ARPP21: variants seen among roughly 807,000 people sequenced by gnomAD.
The protein encoded by ARPP21 is cAMP regulated phosphoprotein 21, also known as cAMP-regulated phosphoprotein 21.
Under a neutral mutation model 113.2 loss-of-function variants are expected in ARPP21, and 69 were observed. That is an observed-to-expected ratio of 0.61 (90% CI 0.50 to 0.74). The LOEUF is 0.74. Among genes scored for constraint, ARPP21 ranks in the 30% least tolerant of loss-of-function variants. ARPP21 has a pLI of 0.00. For missense variants in ARPP21, 1,070 were observed against 1,037.4 expected, an observed-to-expected ratio of 1.03 and a Z score of -0.43; for synonymous variants, 368 against 375.5, an observed-to-expected ratio of 0.98 and a Z score of 0.23.
intron 19 of ARPP21, among the ~76,000 whole-genome samples, chr3:35,747,587 C>A (rs1336757957): frequency 6.6e-6 from 1 of 151,984 alleles, no homozygotes; most frequent in East Asian, 1.9e-4. Context: ...TATTGATAGC[C>A]CAAGTCTGTG....
chr3:35,737,305 G>T lies in ARPP21; in HGVS notation c.1587G>T (p.Gln529His). 1.2e-6 allele frequency: 2 copies of T among 1,612,918 alleles called. No individual in the cohort carries two copies. The highest frequency in any genetic ancestry group is 8.5e-7 in the Non-Finnish European group (1 of 1,179,330). ...QQPPQQQPSP[Q>H]PQQQVQPPQP... ...CACCACAGCAGCAGCCCTCCCCGCA[G>T]CCCCAACAGCAGGTCCAGCCACCGC... Residue 529 changes from glutamine to histidine, a missense_variant, in exon 16 of 21, where the codon CAG (glutamine) becomes CAT (histidine). Transcript: ENST00000684406.
rs1394278404 is a variant in ARPP21 at position 35,717,346 on chromosome 3, A to T, written c.984A>T (p.Arg328Ser). The T allele has an allele frequency of 6.2e-7, 1 of 1,603,352 alleles. No homozygotes were observed. The highest frequency in any genetic ancestry group is 2.2e-5 in the East Asian group (1 of 44,712). The stretch of plus-strand genomic sequence containing the variant: ...TATGCAATGAGACCTATAAGAAAAG[A>T]CAGCTCTTTCGGTTGGTATGGTTTA... ...SNICNETYKK[R>S]QLFRGNRDGS... Residue 328 changes from arginine (R) to serine (S), a missense_variant, in exon 13 of 21, where the codon AGA becomes AGT. By Grantham distance (110) the Arg-to-Ser change is moderately radical. Coordinates refer to ENST00000684406, the MANE Select transcript of ARPP21 (RefSeq NM_001385562.1).
chr3:35,695,085 GT>G (rs1310004451), intron 9 of ARPP21, among the ~76,000 whole-genome samples: 1 of 151,218 alleles, frequency 6.6e-6, no homozygotes, highest in Non-Finnish European at 1.5e-5. Context: ...GTAAGAGGGG[GT>G]GAACCTCTTC....
intron 10 of ARPP21, among the ~76,000 whole-genome samples, chr3:35,708,364 TTTTAAAATTTA>T (rs1433953331): frequency 6.6e-6 from 1 of 152,206 alleles, no homozygotes; most frequent in African/African-American, 2.4e-5. Context: ...ACAAACAGGT[TTTTAAAATTTA>T]GCCTGTAAAC....
chr3:35,770,295 G>A (rs2096152120), intron 19 of ARPP21, among the ~76,000 whole-genome samples: 2 of 152,058 alleles, frequency 1.3e-5, no homozygotes, highest in Non-Finnish European at 2.9e-5. Flanking sequence ...ACTTGTCCTA[G>A]GAAAGAGTGG....
At chr3:35,762,947 A>G (rs1481419715) in intron 19 of ARPP21, among the ~76,000 whole-genome samples, 1 of 152,100 alleles carries the variant, frequency 6.6e-6, no homozygotes, top group African/African-American at 2.4e-5. Flanking sequence ...TTCATTAAAC[A>G]TTACTGATTC....
At chr3:35,763,477 T>G (rs1031640150) in intron 19 of ARPP21, among the ~76,000 whole-genome samples, 3 of 152,106 alleles carry the variant, frequency 2.0e-5, no homozygotes, top group African/African-American at 7.2e-5. Flanking sequence ...CTCACCAAGG[T>G]GTGGAGTTGA....
intron 1 of ARPP21, among the ~76,000 whole-genome samples, chr3:35,668,017 GAAGAAGA>G: frequency 6.7e-6 from 1 of 149,588 alleles, no homozygotes; most frequent in Admixed American, 6.6e-5. Context: ...AGAAGAAGAA[GAAGAAGA>G]AGAAGAAGGA....
chr3:35,746,488 A>T (rs1002416407), intron 19 of ARPP21, among the ~76,000 whole-genome samples: 3 of 152,192 alleles, frequency 2.0e-5, no homozygotes, highest in African/African-American at 7.2e-5. Flanking sequence ...AGAACTAGAA[A>T]ATAAGACTTC....
chr3:35,690,736 G>A, intron 8 of ARPP21, 129 bp from the exon 9 acceptor site: 3 of 811,864 alleles, frequency 3.7e-6, no homozygotes, highest in Non-Finnish European at 5.4e-6. Context: ...GACATTAAGT[G>A]ATGCCAGAAA....
At chr3:35,754,357 G>A (rs1206857825) in intron 19 of ARPP21, among the ~76,000 whole-genome samples, 3 of 151,840 alleles carry the variant, frequency 2.0e-5, no homozygotes, top group Admixed American at 6.6e-5. Context: ...TATACTTTGG[G>A]TGTCTGCATT....
intron 14 of ARPP21, among the ~76,000 whole-genome samples, chr3:35,724,903 C>A (rs987508789): frequency 6.6e-6 from 1 of 152,114 alleles, no homozygotes; most frequent in Non-Finnish European, 1.5e-5. Context: ...GAAATATTTT[C>A]TTGAATTATA....
At chr3:35,660,462 C>A (rs1707204624) in intron 1 of ARPP21, among the ~76,000 whole-genome samples, 1 of 152,148 alleles carries the variant, frequency 6.6e-6, no homozygotes, top group South Asian at 2.1e-4. Context: ...AAAAGTGCAC[C>A]TCACTTTTTG....
intron 19 of ARPP21, among the ~76,000 whole-genome samples, chr3:35,771,622 C>G (rs1222497166): frequency 6.6e-6 from 1 of 152,152 alleles, no homozygotes; most frequent in African/African-American, 2.4e-5. Context: ...AGCCACCGTG[C>G]CTGGACAGGA....
Position 35,794,043 on chromosome 3 carries a change from T to A in ARPP21, c.*85T>A, listed in dbSNP as rs2096796688. 5 of 1,239,482 alleles carry A rather than the reference T, an allele frequency of 4.0e-6. No homozygotes were observed. The highest frequency in any genetic ancestry group is 1.5e-5 in the African/African-American group (1 of 66,942). 76.8% of individuals were successfully genotyped at this position (1,239,482 alleles called of 1,614,324 possible). A position where few individuals can be genotyped will look rare whatever the true frequency, so the allele number is the denominator to read the frequency against. On this transcript the variant is annotated 3_prime_UTR_variant, in exon 21 of 21. Coordinates refer to ENST00000684406, the MANE Select transcript of ARPP21 (RefSeq NM_001385562.1). ...CAAGGTGGGAAAACTGGCTGAGGAC[T>A]TAAGTATTCACTCAACACTCAAATG... is the stretch of plus-strand genomic sequence containing the variant.
At chr3:35,645,726 A>G (rs959625527) in intron 1 of ARPP21, among the ~76,000 whole-genome samples, 1 of 151,952 alleles carries the variant, frequency 6.6e-6, no homozygotes, top group Non-Finnish European at 1.5e-5. Flanking sequence ...ATTATACACT[A>G]AATACTTGAG....
intron 19 of ARPP21, among the ~76,000 whole-genome samples, chr3:35,745,775 A>C (rs752559336): frequency 6.6e-6 from 1 of 152,216 alleles, no homozygotes; most frequent in Non-Finnish European, 1.5e-5. Context: ...TTAATAAAGC[A>C]CAATGGGAGA....
At chr3:35,676,178 G>A (rs114498707) in intron 1 of ARPP21, among the ~76,000 whole-genome samples, 1,730 of 152,000 alleles carry the variant, frequency 0.011, 31 homozygotes, top group African/African-American at 0.039. Context: ...CTGGCACAAG[G>A]CCTTTCTTCA....
intron 19 of ARPP21, among the ~76,000 whole-genome samples, chr3:35,784,368 A>C (rs2096587479): frequency 6.6e-6 from 1 of 152,226 alleles, no homozygotes; most frequent in Non-Finnish European, 1.5e-5. Flanking sequence ...GAAAGTAGGC[A>C]TGGTGGGAAT....
Sources: gnomAD v4.1 joint callset for allele counts (sites outside exome capture counted in the v4.1 genomes callset) on GRCh38, gnomAD v4.1.1 for gene constraint, MANE v1.5 for transcripts, NCBI Gene and HGNC (gene_info 2026-07-23, HGNC 2026-07-21) for gene names.